The following SPATA16 variants were observed in gnomAD, a reference collection of about 807,000 sequenced individuals.
The protein encoded by SPATA16 is spermatogenesis-associated protein 16.
Under a neutral mutation model 63.3 loss-of-function variants are expected in SPATA16, and 36 were observed. That is an observed-to-expected ratio of 0.57 (90% CI 0.44 to 0.75). The LOEUF (loss-of-function observed/expected upper bound fraction) is 0.75, where lower values mean the gene tolerates loss of function less well. Ranked by LOEUF, SPATA16 falls within the 30% of genes least tolerant of loss-of-function variation. The probability of loss-of-function intolerance (pLI) is 0.00; values close to 1 mark genes in which losing one functional copy is unlikely to be tolerated. For synonymous variants in SPATA16, 203 were observed against 216.7 expected (o/e 0.94, Z 0.56); for missense variants, 646 against 679.3 (o/e 0.95, Z 0.54).
chr3:173,129,131 C>A (rs966661494), intron 1 of SPATA16, among the ~76,000 whole-genome samples: 4 of 152,194 alleles, frequency 2.6e-5, no homozygotes, highest in Non-Finnish European at 5.9e-5. Context: ...GGTAAAAATA[C>A]AGGGCTAATT....
At chr3:173,083,143 A>G (rs1264599913) in intron 2 of SPATA16, among the ~76,000 whole-genome samples, 1 of 152,022 alleles carries the variant, frequency 6.6e-6, no homozygotes, top group Non-Finnish European at 1.5e-5. Flanking sequence ...CTACACTGTT[A>G]TAACATTGGA....
chr3:172,963,335 A>G (rs1228290174), intron 5 of SPATA16, among the ~76,000 whole-genome samples: 3 of 152,138 alleles, frequency 2.0e-5, no homozygotes, highest in Non-Finnish European at 4.4e-5. Context: ...TGCATTATTT[A>G]GAAATCACTA....
At chr3:173,028,287 C>T (rs73043100) in intron 3 of SPATA16, among the ~76,000 whole-genome samples, 101 of 151,478 alleles carry the variant, frequency 6.7e-4, no homozygotes, top group African/African-American at 2.3e-3. Flanking sequence ...TTAATTTCAG[C>T]GAATCATGAT....
intron 2 of SPATA16, among the ~76,000 whole-genome samples, chr3:173,100,716 T>G (rs1737470929): frequency 6.8e-6 from 1 of 146,194 alleles, no homozygotes; most frequent in Non-Finnish European, 1.5e-5. Flanking sequence ...ACAGAGTAAA[T>G]TCTTGTTTAT....
chr3:173,005,408 G>C (rs1158550097), intron 4 of SPATA16, among the ~76,000 whole-genome samples: 1 of 151,406 alleles, frequency 6.6e-6, no homozygotes, highest in Non-Finnish European at 1.5e-5. Flanking sequence ...GATTTAACAT[G>C]ACATTTTGGG....
chr3:173,092,135 C>T (rs1181692143), intron 2 of SPATA16, among the ~76,000 whole-genome samples: 1 of 152,124 alleles, frequency 6.6e-6, no homozygotes, highest in Non-Finnish European at 1.5e-5. Context: ...TGCTGATGCT[C>T]ATACTGCTTG....
chr3:173,002,787 C>G (rs769238720), intron 4 of SPATA16, among the ~76,000 whole-genome samples: 3 of 152,060 alleles, frequency 2.0e-5, no homozygotes, highest in Non-Finnish European at 4.4e-5. Context: ...TGGATGTGGA[C>G]AGAGCTGATA....
chr3:172,968,894 G>A (rs1487639266), intron 5 of SPATA16, among the ~76,000 whole-genome samples: 1 of 152,278 alleles, frequency 6.6e-6, no homozygotes, highest in African/African-American at 2.4e-5. Flanking sequence ...GTATAAACAG[G>A]AATGAATAAT....
chr3:172,892,937 A>G (rs1731924162), intron 10 of SPATA16, among the ~76,000 whole-genome samples: 1 of 152,206 alleles, frequency 6.6e-6, no homozygotes, highest in African/African-American at 2.4e-5. Context: ...TTACAGTGAT[A>G]TGGACATTAG....
intron 3 of SPATA16, among the ~76,000 whole-genome samples, chr3:173,033,749 G>T (rs1451868461): frequency 6.6e-6 from 1 of 152,142 alleles, no homozygotes; most frequent in East Asian, 1.9e-4. Context: ...CTGACACCCA[G>T]GCTGAAGTGC....
chr3:172,955,369 GC>G (rs1313802516), intron 6 of SPATA16, among the ~76,000 whole-genome samples: 2 of 152,092 alleles, frequency 1.3e-5, no homozygotes, highest in African/African-American at 4.8e-5. Context: ...TTTATGTGCT[GC>G]TAGCATACAC....
intron 2 of SPATA16, among the ~76,000 whole-genome samples, chr3:173,069,466 A>G (rs1241949413): frequency 2.0e-5 from 3 of 152,238 alleles, no homozygotes; most frequent in Non-Finnish European, 4.4e-5. Flanking sequence ...GACCAATAAC[A>G]AGTAATGAAA....
intron 10 of SPATA16, among the ~76,000 whole-genome samples, chr3:172,901,292 C>T (rs959962096): frequency 2.6e-5 from 4 of 152,152 alleles, no homozygotes; most frequent in Admixed American, 6.5e-5. Context: ...CTCCACCTCC[C>T]GGGTTCAAGC....
intron 4 of SPATA16, among the ~76,000 whole-genome samples, chr3:172,980,195 G>T (rs1043107617): frequency 6.6e-6 from 1 of 152,188 alleles, no homozygotes; most frequent in African/African-American, 2.4e-5. Flanking sequence ...GCTTTTCATC[G>T]TGCTGAATTT....
chr3:173,086,026 G>C (rs1374972420), intron 2 of SPATA16, among the ~76,000 whole-genome samples: 1 of 151,810 alleles, frequency 6.6e-6, no homozygotes, highest in African/African-American at 2.4e-5. Flanking sequence ...CCAGGTTTTG[G>C]TATCAGGGTG....
At chr3:173,007,138 C>G (rs1734962272) in intron 4 of SPATA16, among the ~76,000 whole-genome samples, 1 of 152,096 alleles carries the variant, frequency 6.6e-6, no homozygotes, top group Non-Finnish European at 1.5e-5. Flanking sequence ...AATCACTGAT[C>G]AGTTAAAACA....
intron 1 of SPATA16, among the ~76,000 whole-genome samples, chr3:173,129,106 G>T (rs1738303880): frequency 6.6e-6 from 1 of 152,246 alleles, no homozygotes; most frequent in South Asian, 2.1e-4. Flanking sequence ...ATAAACTCTT[G>T]TTGAGTTCCT....
At position 172,900,013 on chromosome 3, in the gene SPATA16, A is replaced by G. The variant is rs149502569; in HGVS notation, c.1588-10321T>C. Among the ~76,000 whole-genome samples the G allele has an allele frequency of 3.2e-4, 49 of 152,260 alleles. 1 individual carries two copies. The East Asian group carries it at 9.1e-3, about 28-fold the overall frequency. On this transcript the variant is annotated intron_variant, in intron 10 of 10. Coordinates refer to ENST00000351008, the MANE Select transcript of SPATA16 (RefSeq NM_031955.6). ...AGAAAAGTGTATTATTTTTAGTCATACTTTTGCTTACTGTGTTCTCTCAGC... is the reference window on the plus strand; with the variant it reads ...AGAAAAGTGTATTATTTTTAGTCATGCTTTTGCTTACTGTGTTCTCTCAGC...
chr3:173,052,340 C>A (rs1736119820), intron 2 of SPATA16, among the ~76,000 whole-genome samples: 1 of 151,866 alleles, frequency 6.6e-6, no homozygotes, highest in Non-Finnish European at 1.5e-5. Context: ...TTCATGAAAC[C>A]AAGCTGAAAG....
Sources: allele counts gnomAD v4.1 joint callset (sites outside exome capture counted in the v4.1 genomes callset), GRCh38; gene constraint gnomAD v4.1.1; transcripts MANE v1.5; gene names NCBI Gene and HGNC (gene_info 2026-07-23, HGNC 2026-07-21).